The following RNGTT variants were observed in gnomAD, a reference collection of about 807,000 sequenced individuals.
RNGTT encodes mRNA-capping enzyme.
In RNGTT, 33 loss-of-function variants were observed where a neutral mutation model predicts 79.3. The ratio of observed to expected loss-of-function variants is 0.42; its 90% confidence interval spans 0.32 to 0.56. The LOEUF (loss-of-function observed/expected upper bound fraction) is 0.56, where lower values mean the gene tolerates loss of function less well. Ranked by LOEUF, RNGTT falls within the 20% of genes least tolerant of loss-of-function variation. The pLI, the probability that RNGTT is intolerant of heterozygous loss-of-function variation, is 0.17. For synonymous variants in RNGTT, 222 were observed against 235.9 expected (o/e 0.94, Z 0.54); for missense variants, 497 against 739.1 (o/e 0.67, Z 3.80).
chr6:88,925,515 C>A (rs902150031), intron 4 of RNGTT, among the ~76,000 whole-genome samples: 11 of 151,672 alleles, frequency 7.3e-5, no homozygotes, highest in Non-Finnish European at 1.5e-4. Context: ...ATCACTTGAG[C>A]CCTGCAGACA....
At chr6:88,818,354 G>A (rs529928052) in intron 11 of RNGTT, among the ~76,000 whole-genome samples, 7 of 152,044 alleles carry the variant, frequency 4.6e-5, no homozygotes, top group Non-Finnish European at 8.8e-5. Flanking sequence ...AGGCTGAAGC[G>A]GGTGGATCAC....
chr6:88,717,815 C>T (rs1315052359), intron 13 of RNGTT, among the ~76,000 whole-genome samples: 1 of 152,146 alleles, frequency 6.6e-6, no homozygotes, highest in East Asian at 1.9e-4. Context: ...AGCCCACCCC[C>T]ACCAACCCTG....
At chr6:88,861,031 C>T (rs62428980) in intron 8 of RNGTT, among the ~76,000 whole-genome samples, 1,939 of 152,206 alleles carry the variant, frequency 0.013, 17 homozygotes, top group Non-Finnish European at 0.019. Context: ...TACCATCCTT[C>T]AACATAGACA....
chr6:88,891,916 C>T lies in RNGTT; in HGVS notation c.685-1G>A. 1 of 1,528,116 alleles carries T rather than the reference C, an allele frequency of 6.5e-7. No individual in the cohort carries two copies. Among genetic ancestry groups the T allele is most frequent in the Non-Finnish European group, 8.8e-7 (1 of 1,141,594 alleles). The allele number at this position is 1,528,116 out of a possible 1,614,324, so 94.7% of individuals were successfully genotyped here. A position where few individuals can be genotyped will look rare whatever the true frequency, so the allele number is the denominator to read the frequency against. ...TAACACCTTCCAAGAAAATAGCGCCCTTTAAAAAAAAAATAAGAAAAATAA... is the reference window on the plus strand; with the variant it reads ...TAACACCTTCCAAGAAAATAGCGCCTTTTAAAAAAAAAATAAGAAAAATAA... On this transcript the variant is annotated splice_acceptor_variant, in intron 6 of 15. Coordinates refer to ENST00000369485, the MANE Select transcript of RNGTT (RefSeq NM_003800.5). LOFTEE classifies it high-confidence loss of function.
At chr6:88,615,441 C>T (rs1772181814) in intron 14 of RNGTT, among the ~76,000 whole-genome samples, 1 of 152,166 alleles carries the variant, frequency 6.6e-6, no homozygotes, top group Admixed American at 6.5e-5. Context: ...GTACCATCTG[C>T]ATTTTCAACA....
intron 1 of RNGTT, among the ~76,000 whole-genome samples, chr6:88,961,542 T>G (rs1005412276): frequency 2.0e-5 from 3 of 152,214 alleles, no homozygotes; most frequent in Non-Finnish European, 4.4e-5. Flanking sequence ...GTTCAAGTGA[T>G]TCCCCTGCCT....
chr6:88,783,415 C>A (rs753742648), intron 12 of RNGTT, among the ~76,000 whole-genome samples: 2 of 151,924 alleles, frequency 1.3e-5, no homozygotes, highest in African/African-American at 2.4e-5. Flanking sequence ...TGATGCTGGT[C>A]AAAGGGTACA....
intron 13 of RNGTT, among the ~76,000 whole-genome samples, chr6:88,681,628 C>A (rs1310098196): frequency 6.6e-6 from 1 of 152,086 alleles, no homozygotes; most frequent in Non-Finnish European, 1.5e-5. Context: ...ATATGTAACA[C>A]TTCATCATGC....
At chr6:88,618,501 C>T (rs1178339465) in intron 14 of RNGTT, among the ~76,000 whole-genome samples, 1 of 152,104 alleles carries the variant, frequency 6.6e-6, no homozygotes, top group Non-Finnish European at 1.5e-5. Flanking sequence ...AACAGGACCC[C>T]ATCAGGTCTT....
intron 6 of RNGTT, among the ~76,000 whole-genome samples, chr6:88,902,844 C>T (rs1317327465): frequency 6.6e-6 from 1 of 151,592 alleles, no homozygotes; most frequent in Non-Finnish European, 1.5e-5. Flanking sequence ...TACAGGCACC[C>T]GCCACCACGC....
intron 6 of RNGTT, among the ~76,000 whole-genome samples, chr6:88,898,800 G>A (rs1301307437): frequency 6.7e-6 from 1 of 148,380 alleles, no homozygotes; most frequent in Non-Finnish European, 1.5e-5. Flanking sequence ...AATGGCTTGG[G>A]AATGAAGAAA....
chr6:88,614,166 A>C, intron 15 of RNGTT, 106 bp downstream of exon 15: 1 of 1,066,850 alleles, frequency 9.4e-7, no homozygotes, highest in Non-Finnish European at 1.4e-6. Context: ...ATGAAGTCCA[A>C]ATGACTATGC....
At chr6:88,638,320 T>C (rs1006886835) in intron 14 of RNGTT, among the ~76,000 whole-genome samples, 1 of 152,188 alleles carries the variant, frequency 6.6e-6, no homozygotes, top group Admixed American at 6.5e-5. Flanking sequence ...GATTGTCATA[T>C]GTATGTGGAT....
At chr6:88,921,915 T>C (rs993243999) in intron 4 of RNGTT, among the ~76,000 whole-genome samples, 1 of 152,124 alleles carries the variant, frequency 6.6e-6, no homozygotes, top group Non-Finnish European at 1.5e-5. Flanking sequence ...AACGGCAGGA[T>C]GTTCATAGGT....
chr6:88,632,195 G>A (rs1336763948), intron 14 of RNGTT, among the ~76,000 whole-genome samples: 1 of 152,090 alleles, frequency 6.6e-6, no homozygotes, highest in African/African-American at 2.4e-5. Flanking sequence ...CACCCGGGCT[G>A]AAGCAACCCA....
intron 4 of RNGTT, among the ~76,000 whole-genome samples, chr6:88,918,115 C>T (rs1784055121): frequency 6.6e-6 from 1 of 152,032 alleles, no homozygotes. Context: ...GCCAGGAGTT[C>T]AAGACCAGCC....
chr6:88,818,308 C>A (rs184876888), intron 11 of RNGTT, among the ~76,000 whole-genome samples: 2 of 151,938 alleles, frequency 1.3e-5, no homozygotes, highest in Non-Finnish European at 2.9e-5. Context: ...TTGGGCTGGG[C>A]GCGGTGGCTC....
At chr6:88,674,026 A>T (rs1183960645) in intron 14 of RNGTT, among the ~76,000 whole-genome samples, 3 of 152,238 alleles carry the variant, frequency 2.0e-5, no homozygotes, top group Non-Finnish European at 4.4e-5. Flanking sequence ...GTTTATGAAG[A>T]GAATCTTGCC....
chr6:88,755,433 C>A (rs544853692), intron 13 of RNGTT, among the ~76,000 whole-genome samples: 18 of 151,960 alleles, frequency 1.2e-4, no homozygotes, highest in Admixed American at 1.1e-3. Flanking sequence ...ACATTCATGT[C>A]TGTAAGAGAA....
Sources: allele counts gnomAD v4.1 joint callset (sites outside exome capture counted in the v4.1 genomes callset), GRCh38; gene constraint gnomAD v4.1.1; transcripts MANE v1.5; gene names NCBI Gene and HGNC (gene_info 2026-07-23, HGNC 2026-07-21).